Variants in SPAG9 observed in about 807,000 individuals in gnomAD.
The protein encoded by SPAG9 is sperm associated antigen 9.
A neutral mutation model predicts 166.5 loss-of-function variants in SPAG9; 35 were observed. The observed-to-expected ratio is 0.21, with a 90% confidence interval of 0.16 to 0.28. The LOEUF (loss-of-function observed/expected upper bound fraction) is 0.28. SPAG9 is among the 10% of genes least tolerant of loss of function. The pLI is 1.00. For missense variants in SPAG9, 1,235 were observed against 1,603.3 expected (o/e 0.77, Z 3.92); for synonymous variants, 534 against 565.5 (o/e 0.94, Z 0.79).
intron 8 of SPAG9, among the ~76,000 whole-genome samples, chr17:51,019,306 T>G (rs1488715743): frequency 6.6e-6 from 1 of 152,070 alleles, no homozygotes. Flanking sequence ...GCCTGTAATC[T>G]CAGCACTTTG....
intron 2 of SPAG9, among the ~76,000 whole-genome samples, chr17:51,068,931 T>C (rs1268271842): frequency 6.6e-6 from 1 of 152,168 alleles, no homozygotes; most frequent in African/African-American, 2.4e-5. Flanking sequence ...AAGTATTACC[T>C]AATGAAGCAG....
chr17:51,045,074 G>A lies in SPAG9; in HGVS notation c.590+2301C>T, dbSNP rs116263030. ...CACTTGATTTTTAAAACCACCCAAC[G>A]GGGTAAGTCCCATCAGGAGAGAAAA... is the stretch of plus-strand genomic sequence containing the variant. On this transcript the variant is annotated intron_variant, in intron 4 of 29. Transcript: ENST00000262013. 5.6e-3 allele frequency among the ~76,000 whole-genome samples: 851 copies of A among 152,092 alleles called. 5 individuals carry two copies. Among genetic ancestry groups the A allele is most frequent in the African/African-American group, 0.019 (784 of 41,484 alleles).
chr17:51,046,668 T>C (rs1205094615), intron 4 of SPAG9: 2 of 1,536,054 alleles, frequency 1.3e-6, no homozygotes, highest in Non-Finnish European at 1.7e-6. Context: ...CATGGCGCTG[T>C]GCTGGCATGG....
chr17:51,026,467 T>G (rs2046178020), intron 6 of SPAG9, among the ~76,000 whole-genome samples: 1 of 152,048 alleles, frequency 6.6e-6, no homozygotes, highest in Non-Finnish European at 1.5e-5. Flanking sequence ...ATGTTTTAAA[T>G]TTATCCTAGG....
intron 5 of SPAG9, among the ~76,000 whole-genome samples, chr17:51,034,027 A>C (rs2144320284): frequency 6.6e-6 from 1 of 152,354 alleles, no homozygotes; most frequent in East Asian, 1.9e-4. Flanking sequence ...AACACAATAG[A>C]ATCTTTACCC....
chr17:51,021,859 T>C (rs1437376589), intron 6 of SPAG9, among the ~76,000 whole-genome samples: 1 of 152,138 alleles, frequency 6.6e-6, no homozygotes, highest in Non-Finnish European at 1.5e-5. Context: ...ACGCCGTGGC[T>C]CACACCTGTA....
intron 2 of SPAG9, among the ~76,000 whole-genome samples, chr17:51,063,067 C>T (rs1295552790): frequency 1.3e-5 from 2 of 152,002 alleles, no homozygotes; most frequent in Non-Finnish European, 2.9e-5. Flanking sequence ...TTTTAATGCA[C>T]AAAAAGTGGT....
At chr17:51,095,960 T>TATATATATAGTG (rs1555659785) in intron 1 of SPAG9, among the ~76,000 whole-genome samples, 45 of 79,834 alleles carry the variant, frequency 5.6e-4, no homozygotes, top group African/African-American at 3.6e-3. Context: ...TATATAGTGA[T>TATATATATAGTG]ATATATATAT....
intron 1 of SPAG9, among the ~76,000 whole-genome samples, chr17:51,115,416 CTTTT>C (rs71355714): frequency 1.4e-5 from 2 of 142,998 alleles, no homozygotes; most frequent in Non-Finnish European, 3.0e-5. Context: ...TGAACTCATC[CTTTT>C]TTTTTTTTTT....
At chr17:51,053,682 C>G (rs1203819523) in intron 3 of SPAG9, among the ~76,000 whole-genome samples, 1 of 146,920 alleles carries the variant, frequency 6.8e-6, no homozygotes, top group Admixed American at 6.8e-5. Flanking sequence ...GAGACTCCAT[C>G]ACACACAAAA....
chr17:51,046,332 T>C (rs564147717), intron 4 of SPAG9, among the ~76,000 whole-genome samples: 1 of 152,240 alleles, frequency 6.6e-6, no homozygotes, highest in Admixed American at 6.5e-5. Flanking sequence ...AAAGCTATAA[T>C]CCTAACTGAT....
At position 51,037,052 on chromosome 17, in the gene SPAG9, G is replaced by A. The variant is rs117506800; in HGVS notation, c.741+4449C>T. 4.5e-4 allele frequency among the ~76,000 whole-genome samples: 68 copies of A among 152,172 alleles called. No homozygotes were observed. The East Asian group carries it at 0.011, about 24-fold the overall frequency. ...TGAATATAATTCAGTAAGATTAACTGTCTCACCTTAACATTTTGTCCATTC... is the reference window on the plus strand; with the variant it reads ...TGAATATAATTCAGTAAGATTAACTATCTCACCTTAACATTTTGTCCATTC... On this transcript the variant is annotated intron_variant, in intron 5 of 29. Coordinates refer to ENST00000262013, the MANE Select transcript of SPAG9 (RefSeq NM_001130528.3).
chr17:50,981,507 TAGATAGATAGATAGATAGATAGA>T (rs1489582346), intron 25 of SPAG9, among the ~76,000 whole-genome samples: 4 of 149,634 alleles, frequency 2.7e-5, no homozygotes, highest in Non-Finnish European at 6.0e-5. Context: ...GATAGATAGA[TAGATAGATAGATAGATAGATAGA>T]AAGAAAGAAA....
Position 51,053,851 on chromosome 17 carries a change from AAAAGTAT to A in SPAG9, c.495+2554_495+2560del, listed in dbSNP as rs1406246199. ...AGACCCTAATTAAAAAAAAAAAAAA[AAAAGTAT>A]ATATATATATATATATATATATATA... On this transcript the variant is annotated intron_variant, in intron 3 of 29. Coordinates refer to ENST00000262013, the MANE Select transcript of SPAG9 (RefSeq NM_001130528.3). Among the ~76,000 whole-genome samples, 331 of 65,400 alleles carry A rather than the reference AAAAGTAT, an allele frequency of 5.1e-3. 8 individuals carry two copies. Among genetic ancestry groups the A allele is most frequent in the Admixed American group, 7.5e-3 (34 of 4,508 alleles). The allele number at this position is 65,400 out of a possible 152,430, so 42.9% of individuals were successfully genotyped here.
intron 2 of SPAG9, among the ~76,000 whole-genome samples, chr17:51,076,642 A>T (rs188590367): frequency 6.6e-6 from 1 of 152,004 alleles, no homozygotes; most frequent in Non-Finnish European, 1.5e-5. Flanking sequence ...AGGCTGAGGC[A>T]GGAGAATCAC....
intron 9 of SPAG9, among the ~76,000 whole-genome samples, chr17:51,010,576 A>ATAT (rs1382405226): frequency 7.1e-6 from 1 of 139,914 alleles, no homozygotes; most frequent in African/African-American, 2.8e-5. Flanking sequence ...AAGAAAAAAA[A>ATAT]AAAAAAATAT....
chr17:51,046,030 C>A (rs7213491), intron 4 of SPAG9, among the ~76,000 whole-genome samples: 36,301 of 152,036 alleles, frequency 0.24, 5,183 homozygotes, highest in Admixed American at 0.34. Context: ...TTCCCATGAG[C>A]TATTATCAAA....
chr17:51,002,877 G>A (rs1488628934), intron 12 of SPAG9, among the ~76,000 whole-genome samples: 4 of 151,818 alleles, frequency 2.6e-5, no homozygotes, highest in Admixed American at 2.6e-4. Flanking sequence ...CCAGGAATTT[G>A]AGACCAGCCT....
intron 2 of SPAG9, among the ~76,000 whole-genome samples, chr17:51,059,283 C>T (rs985457056): frequency 2.0e-5 from 3 of 152,116 alleles, no homozygotes; most frequent in African/African-American, 7.2e-5. Flanking sequence ...ACACGATGTG[C>T]ATCCATTCAC....
Sources: allele counts gnomAD v4.1 joint callset (sites outside exome capture counted in the v4.1 genomes callset), GRCh38; gene constraint gnomAD v4.1.1; transcripts MANE v1.5; gene names NCBI Gene and HGNC (gene_info 2026-07-23, HGNC 2026-07-21).